The following SNX18 variants were observed in gnomAD, a reference collection of about 807,000 sequenced individuals.
SNX18 encodes the protein sorting nexin-18.
SNX18 carries 35 observed loss-of-function variants against 48.7 expected under a neutral mutation model. That is an observed-to-expected ratio of 0.72 (90% CI 0.55 to 0.95). The LOEUF is 0.95. Ranked by LOEUF, SNX18 falls within the 40% of genes least tolerant of loss-of-function variation. The pLI is 0.00. For synonymous variants in SNX18, 492 were observed against 384.7 expected (o/e 1.28, Z -3.26); for missense variants, 824 against 871.0 (o/e 0.95, Z 0.68).
chr5:54,627,902 CA>C, the SNX18 span, among the ~76,000 whole-genome samples: 1 of 152,294 alleles, frequency 6.6e-6, no homozygotes, highest in African/African-American at 2.4e-5. Flanking sequence ...AAAGACTTTT[CA>C]ACATGTGTGC....
chr5:54,617,568 G>A, the SNX18 span, among the ~76,000 whole-genome samples: 10 of 152,104 alleles, frequency 6.6e-5, no homozygotes, highest in Non-Finnish European at 7.4e-5. Flanking sequence ...GGAGAGAGGC[G>A]TGCTAAAGAG....
chr5:54,558,534 G>A, the SNX18 span, among the ~76,000 whole-genome samples: 1 of 152,188 alleles, frequency 6.6e-6, no homozygotes, highest in African/African-American at 2.4e-5. Flanking sequence ...ATCTGTAAGG[G>A]ATTGGACAAA....
chr5:54,526,089 G>C (rs1762126803), intron 1 of SNX18, among the ~76,000 whole-genome samples: 1 of 152,054 alleles, frequency 6.6e-6, no homozygotes, highest in African/African-American at 2.4e-5. Context: ...AAATTAATAG[G>C]ACTACCAAAG....
chr5:54,644,351 G>A, the SNX18 span: 1 of 152,214 alleles, frequency 6.6e-6, no homozygotes. Flanking sequence ...GACAGCTGAT[G>A]TTTCGCATGG....
At chr5:54,561,156 C>T in the SNX18 span, among the ~76,000 whole-genome samples, 3 of 152,170 alleles carry the variant, frequency 2.0e-5, no homozygotes, top group African/African-American at 7.2e-5. Flanking sequence ...GATTCTCCTG[C>T]CTCAGCCTCC....
intron 1 of SNX18, among the ~76,000 whole-genome samples, chr5:54,537,222 A>G (rs1762374557): frequency 6.6e-6 from 1 of 152,160 alleles, no homozygotes; most frequent in Non-Finnish European, 1.5e-5. Context: ...CAGTTGTGTA[A>G]CTTGGAGAGG....
At chr5:54,583,781 C>CTT in the SNX18 span, among the ~76,000 whole-genome samples, 1 of 152,240 alleles carries the variant, frequency 6.6e-6, no homozygotes, top group Non-Finnish European at 1.5e-5. Flanking sequence ...CCTGTCCCTT[C>CTT]TTTGTGGACC....
chr5:54,519,451 A>T lies in SNX18; in HGVS notation c.1499A>T (p.Tyr500Phe). 2 of 1,614,132 alleles carry T rather than the reference A, an allele frequency of 1.2e-6. No homozygotes were observed. Among genetic ancestry groups the T allele is most frequent in the Non-Finnish European group, 1.7e-6 (2 of 1,180,028 alleles). Reference protein sequence around the residue: ...NQAIAFTGDAYDAIGELFAEQ... With the variant: ...NQAIAFTGDAFDAIGELFAEQ... ...GCTATCGCCTTCACCGGAGATGCCT[A>T]TGACGCCATTGGCGAGCTCTTCGCG... is the stretch of plus-strand genomic sequence containing the variant. The change falls in exon 1 of 2, where the codon TAT (tyrosine) becomes TTT (phenylalanine). Residue 500 changes from tyrosine (Y) to phenylalanine (F), a missense_variant. Physicochemically the swap from Tyr to Phe is conservative, Grantham distance 22. Transcript: ENST00000381410.
chr5:54,630,733 C>T, the SNX18 span, among the ~76,000 whole-genome samples: 24,381 of 150,564 alleles, frequency 0.16, 2,395 homozygotes, highest in Middle Eastern at 0.23. Flanking sequence ...ACTCTGGAGG[C>T]TGAGGCAGGA....
At chr5:54,646,323 C>T in the SNX18 span, among the ~76,000 whole-genome samples, 4 of 152,126 alleles carry the variant, frequency 2.6e-5, no homozygotes, top group Non-Finnish European at 5.9e-5. Flanking sequence ...GGGCTGATTT[C>T]CTCTTCTTTG....
At chr5:54,603,757 A>C in the SNX18 span, among the ~76,000 whole-genome samples, 1 of 152,332 alleles carries the variant, frequency 6.6e-6, no homozygotes, top group South Asian at 2.1e-4. Flanking sequence ...TTACTAACAC[A>C]TAATTATCAG....
At chr5:54,619,600 AT>A in the SNX18 span, among the ~76,000 whole-genome samples, 4 of 152,184 alleles carry the variant, frequency 2.6e-5, no homozygotes, top group Admixed American at 6.5e-5. Context: ...ACTATCTATG[AT>A]TCTTTTTCTA....
At chr5:54,555,136 T>A in the SNX18 span, among the ~76,000 whole-genome samples, 1 of 152,230 alleles carries the variant, frequency 6.6e-6, no homozygotes, top group Non-Finnish European at 1.5e-5. Context: ...GGCTGAATCC[T>A]ACTCCTCCTT....
intron 1 of SNX18, among the ~76,000 whole-genome samples, chr5:54,525,671 G>A (rs1762119441): frequency 1.3e-5 from 2 of 152,196 alleles, no homozygotes; most frequent in South Asian, 2.1e-4. Flanking sequence ...CCCAAATCAC[G>A]TGTTCTGGTG....
the SNX18 span, among the ~76,000 whole-genome samples, chr5:54,618,490 T>G: frequency 6.6e-6 from 1 of 152,208 alleles, no homozygotes; most frequent in Non-Finnish European, 1.5e-5. Flanking sequence ...CACTTTCCAG[T>G]TGTGTCATGC....
the SNX18 span, among the ~76,000 whole-genome samples, chr5:54,623,131 C>T: frequency 6.6e-6 from 1 of 152,042 alleles, no homozygotes; most frequent in Non-Finnish European, 1.5e-5. Context: ...AATCTGCTTA[C>T]GTGAGAACTG....
the SNX18 span, among the ~76,000 whole-genome samples, chr5:54,575,903 C>T: frequency 2.0e-5 from 3 of 152,140 alleles, no homozygotes; most frequent in African/African-American, 4.8e-5. Flanking sequence ...CCTTTGTCTT[C>T]TTATTTCTTC....
At chr5:54,600,867 G>A in the SNX18 span, among the ~76,000 whole-genome samples, 1 of 152,098 alleles carries the variant, frequency 6.6e-6, no homozygotes, top group East Asian at 1.9e-4. Context: ...AGGAAGGATG[G>A]CTAATGGATG....
the SNX18 span, among the ~76,000 whole-genome samples, chr5:54,635,925 A>C: frequency 0.15 from 23,071 of 152,198 alleles, 2,051 homozygotes; most frequent in African/African-American, 0.24. Flanking sequence ...CATCATGTGC[A>C]GTGGAAACCT....
Sources: gnomAD v4.1 joint callset for allele counts (sites outside exome capture counted in the v4.1 genomes callset) on GRCh38, gnomAD v4.1.1 for gene constraint, MANE v1.5 for transcripts, NCBI Gene and HGNC (gene_info 2026-07-23, HGNC 2026-07-21) for gene names.